The following ZSCAN2 variants were observed in gnomAD, a reference collection of about 807,000 sequenced individuals.
ZSCAN2 encodes the protein zinc finger and SCAN domain containing 2, also known as zinc finger and SCAN domain-containing protein 2.
ZSCAN2 carries 26 observed loss-of-function variants against 47.8 expected under a neutral mutation model. The ratio of observed to expected loss-of-function variants is 0.54; its 90% CI spans 0.40 to 0.75. The LOEUF is 0.75. Among genes scored for constraint, ZSCAN2 ranks in the 30% least tolerant of loss-of-function variants. The pLI is 0.00. For missense variants in ZSCAN2, 732 were observed against 785.4 expected (o/e 0.93, Z 0.81); for synonymous variants, 305 against 288.7 (o/e 1.06, Z -0.57).
chr15:84,621,811 T>C lies in ZSCAN2; in HGVS notation c.1616T>C (p.Phe539Ser). 2 of 1,614,212 alleles carry C rather than the reference T, an allele frequency of 1.2e-6. No homozygotes were observed. Among genetic ancestry groups the C allele is most frequent in the Non-Finnish European group, 1.7e-6 (2 of 1,180,044 alleles). ...AAATGCCTCATGTGCGGCAAGAGCT[T>C]CAGCCGGGGCTCCATTCTGGTCATG... Reference protein sequence around the residue: ...PYKCLMCGKSFSRGSILVMHQ... With the variant: ...PYKCLMCGKSSSRGSILVMHQ... The change falls in exon 3 of 3, where the codon TTC becomes TCC. Residue 539 changes from phenylalanine (F) to serine (S), a missense_variant. By Grantham distance (155) the Phe-to-Ser change is radical. Coordinates refer to ENST00000546148, the MANE Select transcript of ZSCAN2 (RefSeq NM_181877.4). The surrounding 1 kb of genome is among the most constrained non-coding windows in gnomAD (Gnocchi z 5.7).
chr15:84,604,722 C>CT (rs983143814), intron 2 of ZSCAN2, among the ~76,000 whole-genome samples: 1 of 147,680 alleles, frequency 6.8e-6, no homozygotes, highest in Non-Finnish European at 1.5e-5. Context: ...TTCAACATGA[C>CT]TTTTTTTTCT....
At chr15:84,608,884 CA>C (rs1167122848) in intron 2 of ZSCAN2, among the ~76,000 whole-genome samples, 1 of 152,220 alleles carries the variant, frequency 6.6e-6, no homozygotes, top group East Asian at 1.9e-4. Context: ...CTGTCAGTCT[CA>C]CCAAGCCCCG....
Position 84,622,703 on chromosome 15 carries a change from T to A in ZSCAN2, c.*663T>A, listed in dbSNP as rs1201495908. ...ACAGCCTGGAGCCAGTGTCCCAGTG[T>A]CCTTTCCATTGGTAAGAGTTGGACA... On this transcript the variant is annotated 3_prime_UTR_variant, in exon 3 of 3. Transcript: ENST00000546148. 3 of 717,274 alleles carry A rather than the reference T, an allele frequency of 4.2e-6. No individual in the cohort carries two copies. Among genetic ancestry groups the A allele is most frequent in the Non-Finnish European group, 7.8e-6 (3 of 385,036 alleles). 44.4% of individuals were successfully genotyped at this position (717,274 alleles called of 1,614,324 possible).
chr15:84,611,445 A>C (rs1431787725), intron 2 of ZSCAN2, among the ~76,000 whole-genome samples: 2 of 151,736 alleles, frequency 1.3e-5, no homozygotes, highest in Non-Finnish European at 2.9e-5. Flanking sequence ...ACAGTGATAT[A>C]CTGTCTCAAA....
intron 1 of ZSCAN2, among the ~76,000 whole-genome samples, chr15:84,601,788 T>C (rs1403847654): frequency 6.6e-6 from 1 of 152,104 alleles, no homozygotes; most frequent in Admixed American, 6.5e-5. Context: ...TCAAGCCATC[T>C]TCCCTCCTCG....
intron 2 of ZSCAN2, chr15:84,606,565 C>G (rs1895388185): frequency 6.2e-7 from 1 of 1,613,990 alleles, no homozygotes; most frequent in East Asian, 2.2e-5. Context: ...GTGGAGGTGA[C>G]CAGTTTGTAA....
Position 84,621,781 on chromosome 15 carries a change from C to T in ZSCAN2, c.1586C>T (p.Pro529Leu). ...VHQRTHTGEK[P>L]YKCLMCGKSF... ...CAGCGGACCCACACGGGCGAGAAGC[C>T]CTACAAATGCCTCATGTGCGGCAAG... Residue 529 changes from proline to leucine, a missense_variant, in exon 3 of 3, where the codon CCC (proline) becomes CTC (leucine). This residue lies in a region of ZSCAN2 where 412 missense variants were observed against 498.0 expected (regional missense o/e 0.83). Transcript: ENST00000546148. The surrounding 1 kb of genome is among the most constrained non-coding windows in gnomAD (Gnocchi z 5.7). The T allele has an allele frequency of 2.5e-6, 4 of 1,614,234 alleles. No homozygotes were observed. Among genetic ancestry groups the T allele is most frequent in the Non-Finnish European group, 2.5e-6 (3 of 1,180,046 alleles).
At position 84,620,615 on chromosome 15, in the gene ZSCAN2, G is replaced by T; in HGVS notation, c.420G>T (p.Gln140His). 1 of 1,600,998 alleles carries T rather than the reference G, an allele frequency of 6.2e-7. No individual in the cohort carries two copies. The highest frequency in any genetic ancestry group is 8.6e-7 in the Non-Finnish European group (1 of 1,169,070). ...QTLQDSDFEIQSENGENCNQD... is the reference protein window; with the variant it reads ...QTLQDSDFEIHSENGENCNQD... The stretch of plus-strand genomic sequence containing the variant: ...TCATTGTTTCAGATTTTGAGATACA[G>T]AGTGAAAATGGGGAGAACTGTAATC... Residue 140 changes from glutamine (Q) to histidine (H), a missense_variant, in exon 3 of 3, where the codon CAG (glutamine) becomes CAT (histidine). By Grantham distance (24) the Gln-to-His change is conservative (BLOSUM62 0). Transcript: ENST00000546148.
chr15:84,606,823 CTT>C, intron 2 of ZSCAN2: 1 of 1,259,250 alleles, frequency 7.9e-7, no homozygotes, highest in Non-Finnish European at 1.0e-6. Context: ...CTGTCCCTGA[CTT>C]CTGCCTCTGA....
At chr15:84,604,580 C>T (rs1195785890) in intron 2 of ZSCAN2, among the ~76,000 whole-genome samples, 1 of 152,146 alleles carries the variant, frequency 6.6e-6, no homozygotes, top group Non-Finnish European at 1.5e-5. Flanking sequence ...GTTTTTACTT[C>T]TGTGTTTATT....
At chr15:84,616,810 G>A (rs972449427) in intron 2 of ZSCAN2, among the ~76,000 whole-genome samples, 3 of 152,152 alleles carry the variant, frequency 2.0e-5, no homozygotes, top group Non-Finnish European at 4.4e-5. Context: ...GCAGGGCTCT[G>A]TGCTCAAAAC....
At chr15:84,619,041 T>C (rs1826725440) in intron 2 of ZSCAN2, among the ~76,000 whole-genome samples, 1 of 152,178 alleles carries the variant, frequency 6.6e-6, no homozygotes, top group South Asian at 2.1e-4. Context: ...AGGAAGGGGC[T>C]ATGTTCTTCT....
intron 2 of ZSCAN2, among the ~76,000 whole-genome samples, chr15:84,618,056 A>G (rs1028034919): frequency 6.6e-6 from 1 of 152,256 alleles, no homozygotes; most frequent in African/African-American, 2.4e-5. Context: ...GTAAGAGTTT[A>G]TATTAACTTA....
chr15:84,618,365 C>A (rs1895742835), intron 2 of ZSCAN2, among the ~76,000 whole-genome samples: 1 of 152,204 alleles, frequency 6.6e-6, no homozygotes, highest in South Asian at 2.1e-4. Flanking sequence ...TTGCAGTGAG[C>A]CTAGATCTCG....
At chr15:84,613,621 G>A (rs1415965959) in intron 2 of ZSCAN2, among the ~76,000 whole-genome samples, 3 of 151,350 alleles carry the variant, frequency 2.0e-5, no homozygotes, top group Admixed American at 2.0e-4. Flanking sequence ...ATTTCATAAT[G>A]TTTTAACATC....
At chr15:84,603,645 T>A (rs560208632) in intron 1 of ZSCAN2, among the ~76,000 whole-genome samples, 175 bp from the exon 2 acceptor site, 2 of 152,268 alleles carry the variant, frequency 1.3e-5, no homozygotes, top group African/African-American at 4.8e-5. Context: ...CCCAGCCTTC[T>A]TTTACCACAG....
intron 2 of ZSCAN2, among the ~76,000 whole-genome samples, chr15:84,610,433 A>G (rs1339503741): frequency 6.6e-6 from 1 of 151,770 alleles, no homozygotes; most frequent in African/African-American, 2.4e-5. Flanking sequence ...GCAATACAGA[A>G]GTCATCAAAG....
intron 2 of ZSCAN2, among the ~76,000 whole-genome samples, chr15:84,620,233 G>A (rs1879697408): frequency 6.6e-6 from 1 of 152,154 alleles, no homozygotes; most frequent in African/African-American, 2.4e-5. Flanking sequence ...TGAGGATAAT[G>A]GCTTCCAATT....
intron 2 of ZSCAN2, chr15:84,611,625 G>A (rs936150459): frequency 6.6e-6 from 1 of 152,042 alleles, no homozygotes; most frequent in Non-Finnish European, 1.5e-5. Context: ...GCAGGCGCCT[G>A]TAATCCCAGC....
Sources: gnomAD v4.1 joint callset for allele counts (sites outside exome capture counted in the v4.1 genomes callset) on GRCh38, gnomAD v4.1.1 for gene constraint, gnomAD v4.1.1 regional missense constraint, Gnocchi (gnomAD v3.1) non-coding constraint, MANE v1.5 for transcripts, NCBI Gene and HGNC (gene_info 2026-07-23, HGNC 2026-07-21) for gene names.